DLG2: variants seen among roughly 807,000 people sequenced by gnomAD.
DLG2 encodes the protein discs large MAGUK scaffold protein 2.
Under a neutral mutation model 132.5 loss-of-function variants are expected in DLG2, and 45 were observed. That is an observed-to-expected ratio of 0.34 (90% CI 0.27 to 0.44). The LOEUF is 0.44. Among genes scored for constraint, DLG2 ranks in the 20% least tolerant of loss-of-function variants. The probability of loss-of-function intolerance (pLI) is 1.00; values close to 1 mark genes in which losing one functional copy is unlikely to be tolerated. For missense variants in DLG2, 1,045 were observed against 1,196.9 expected (o/e 0.87, Z 1.87); for synonymous variants, 424 against 419.6 (o/e 1.01, Z -0.13).
chr11:83,974,914 GAACT>G (rs1000249176), intron 12 of DLG2, among the ~76,000 whole-genome samples: 4 of 151,972 alleles, frequency 2.6e-5, no homozygotes, highest in Non-Finnish European at 5.9e-5. Flanking sequence ...GAAAACACAA[GAACT>G]AATTCTCTGT....
chr11:83,910,024 A>G (rs986067545), intron 15 of DLG2, among the ~76,000 whole-genome samples: 4 of 152,180 alleles, frequency 2.6e-5, no homozygotes, highest in African/African-American at 9.6e-5. Flanking sequence ...GGCTCTAAAA[A>G]CAGGATGGAG....
intron 9 of DLG2, among the ~76,000 whole-genome samples, chr11:84,141,494 T>C (rs1183231660): frequency 6.6e-6 from 1 of 152,154 alleles, no homozygotes; most frequent in Non-Finnish European, 1.5e-5. Flanking sequence ...AACTAGTTTT[T>C]ATCCTTTGTC....
intron 6 of DLG2, among the ~76,000 whole-genome samples, chr11:84,831,014 T>C (rs1431197164): frequency 1.6e-5 from 2 of 122,828 alleles, no homozygotes; most frequent in Non-Finnish European, 3.2e-5. Context: ...AAGAAGCACT[T>C]CATAATACAA....
At chr11:85,295,638 A>G (rs1413537145) in intron 3 of DLG2, among the ~76,000 whole-genome samples, 1 of 152,176 alleles carries the variant, frequency 6.6e-6, no homozygotes, top group Admixed American at 6.6e-5. Flanking sequence ...ATAGAATGTT[A>G]GGGGTTAATT....
intron 6 of DLG2, among the ~76,000 whole-genome samples, chr11:84,631,894 T>C (rs910893583): frequency 2.0e-5 from 3 of 152,186 alleles, no homozygotes; most frequent in Admixed American, 6.5e-5. Flanking sequence ...TTCTCTGGCA[T>C]AGTTTTTTCT....
intron 6 of DLG2, among the ~76,000 whole-genome samples, chr11:84,754,291 A>G (rs2066566193): frequency 6.6e-6 from 1 of 152,200 alleles, no homozygotes; most frequent in African/African-American, 2.4e-5. Context: ...GGATCGGTAG[A>G]GATAGGAAAT....
intron 6 of DLG2, among the ~76,000 whole-genome samples, chr11:84,580,696 G>T (rs2099514309): frequency 6.6e-6 from 1 of 152,202 alleles, no homozygotes; most frequent in Admixed American, 6.5e-5. Context: ...GAAAGGAACA[G>T]CAAGCTATTT....
intron 8 of DLG2, among the ~76,000 whole-genome samples, chr11:84,198,325 C>T (rs1473746368): frequency 6.6e-6 from 1 of 151,994 alleles, no homozygotes; most frequent in East Asian, 1.9e-4. Flanking sequence ...ATAGGAGTAA[C>T]AAAGTTAGAG....
At chr11:83,692,041 G>A (rs1177996973) in intron 18 of DLG2, 2 of 152,222 alleles carry the variant, frequency 1.3e-5, no homozygotes, top group East Asian at 1.9e-4. Context: ...TGGGACTCAA[G>A]AGGAACTAAG....
intron 6 of DLG2, among the ~76,000 whole-genome samples, chr11:84,670,900 G>T (rs931223850): frequency 6.6e-6 from 1 of 151,932 alleles, no homozygotes; most frequent in Non-Finnish European, 1.5e-5. Flanking sequence ...TAACATCAGA[G>T]TAGATACCTT....
intron 7 of DLG2, among the ~76,000 whole-genome samples, chr11:84,325,240 C>G (rs573466595): frequency 6.6e-6 from 1 of 151,814 alleles, no homozygotes; most frequent in African/African-American, 2.4e-5. Context: ...ACTTTAAGTT[C>G]TAGGGCACAT....
At chr11:85,396,021 C>T (rs1230331518) in intron 3 of DLG2, among the ~76,000 whole-genome samples, 1 of 152,172 alleles carries the variant, frequency 6.6e-6, no homozygotes, top group Non-Finnish European at 1.5e-5. Flanking sequence ...TAGGGGCCGA[C>T]AGACACCTCA....
chr11:85,364,030 T>C (rs1220087792), intron 3 of DLG2, among the ~76,000 whole-genome samples: 6 of 152,206 alleles, frequency 3.9e-5, no homozygotes, highest in African/African-American at 4.8e-5. Flanking sequence ...TATATAATTG[T>C]ATTAGCAGTT....
At chr11:84,052,315 C>T (rs964537953) in intron 11 of DLG2, among the ~76,000 whole-genome samples, 1 of 151,698 alleles carries the variant, frequency 6.6e-6, no homozygotes, top group Non-Finnish European at 1.5e-5. Context: ...TACATGCATG[C>T]ATAAGCCAAA....
chr11:84,943,682 T>A (rs1441211427), intron 6 of DLG2, among the ~76,000 whole-genome samples: 1 of 152,222 alleles, frequency 6.6e-6, no homozygotes, highest in Non-Finnish European at 1.5e-5. Flanking sequence ...ATTTATATCA[T>A]ATTATACTTT....
In DLG2 at chr11:84,114,889, C is replaced by T. The variant is rs142795889; in HGVS notation, c.625-15842G>A. Reference sequence around the variant, plus strand: ...TTTGCCATGTTGCCCAGCCTTGTCTCGAACTCCTGAGCTCAAGCCATTCAG... The same window carrying T: ...TTTGCCATGTTGCCCAGCCTTGTCTTGAACTCCTGAGCTCAAGCCATTCAG... On this transcript the variant is annotated intron_variant, in intron 9 of 27. Transcript: ENST00000376104. Among the ~76,000 whole-genome samples, 52 of 149,190 alleles carry T rather than the reference C, an allele frequency of 3.5e-4. No homozygotes were observed. In the East Asian group the frequency reaches 9.8e-3, roughly 28 times the overall value.
At chr11:85,537,843 G>C (rs186281345) in intron 3 of DLG2, among the ~76,000 whole-genome samples, 3 of 152,030 alleles carry the variant, frequency 2.0e-5, no homozygotes, top group Non-Finnish European at 2.9e-5. Context: ...GCGGCCAGGC[G>C]TGGTGGCTCA....
intron 4 of DLG2, among the ~76,000 whole-genome samples, chr11:85,157,673 A>G (rs544262229): frequency 1.3e-5 from 2 of 152,144 alleles, no homozygotes; most frequent in Non-Finnish European, 2.9e-5. Context: ...ATCTGCTAAG[A>G]TTACCCTGAG....
rs1315330542 is a variant in DLG2, at chr11:84,090,723, G to T, written c.749+8200C>A. 4.6e-5 allele frequency among the ~76,000 whole-genome samples: 7 copies of T among 152,180 alleles called. No homozygotes were observed. In the East Asian group the frequency reaches 1.2e-3, roughly 25 times the overall value. On this transcript the variant is annotated intron_variant, in intron 10 of 27. Coordinates refer to ENST00000376104, the MANE Select transcript of DLG2 (RefSeq NM_001142699.3). ...GAAATTTGGTAACATGCATCAAAAG[G>T]TTTTAAAATGTTCATTCTATCAGGT...
Sources: gnomAD v4.1 joint callset for allele counts (sites outside exome capture counted in the v4.1 genomes callset) on GRCh38, gnomAD v4.1.1 for gene constraint, MANE v1.5 for transcripts, NCBI Gene and HGNC (gene_info 2026-07-23, HGNC 2026-07-21) for gene names.